The following FHIT variants were observed in gnomAD, a reference collection of about 807,000 sequenced individuals.
FHIT encodes bis(5'-adenosyl)-triphosphatase.
FHIT carries 19 observed loss-of-function variants against 17.9 expected under a neutral mutation model. The observed-to-expected ratio is 1.06, with a 90% CI of 0.74 to 1.56. The LOEUF (loss-of-function observed/expected upper bound fraction) is 1.56, where lower values mean the gene tolerates loss of function less well. Ranked by LOEUF, FHIT falls within the 40% of genes most tolerant of loss-of-function variation. The pLI, the probability that FHIT is intolerant of heterozygous loss-of-function variation, is 0.00. For synonymous variants in FHIT, 81 were observed against 69.7 expected (o/e 1.16, Z -0.81); for missense variants, 248 against 189.2 (o/e 1.31, Z -1.82).
intron 3 of FHIT, among the ~76,000 whole-genome samples, chr3:60,992,902 G>T (rs1207273523): frequency 6.6e-6 from 1 of 152,122 alleles, no homozygotes. Context: ...TTCAATAAAG[G>T]AAATTCAGAG....
At chr3:60,363,012 A>G (rs2107009814) in intron 5 of FHIT, among the ~76,000 whole-genome samples, 1 of 152,316 alleles carries the variant, frequency 6.6e-6, no homozygotes, top group Middle Eastern at 3.4e-3. Context: ...TTGAAAAGGA[A>G]AGACGCTGTT....
At chr3:61,030,697 A>C (rs1033567956) in intron 3 of FHIT, among the ~76,000 whole-genome samples, 6 of 152,224 alleles carry the variant, frequency 3.9e-5, no homozygotes, top group African/African-American at 1.4e-4. Flanking sequence ...ACAAAAATTA[A>C]AAAACAAAGC....
chr3:60,712,697 T>C (rs1421469139), intron 4 of FHIT, among the ~76,000 whole-genome samples: 1 of 150,312 alleles, frequency 6.7e-6, no homozygotes, highest in Non-Finnish European at 1.5e-5. Flanking sequence ...TACATAATGG[T>C]AAAGGGATCA....
At chr3:60,872,178 T>C (rs1704444560) in intron 3 of FHIT, among the ~76,000 whole-genome samples, 1 of 152,108 alleles carries the variant, frequency 6.6e-6, no homozygotes, top group Non-Finnish European at 1.5e-5. Context: ...CTTTGTTTTG[T>C]TTGTGGTAGA....
intron 5 of FHIT, among the ~76,000 whole-genome samples, chr3:60,485,995 G>T (rs1299643663): frequency 6.6e-6 from 1 of 152,068 alleles, no homozygotes; most frequent in Non-Finnish European, 1.5e-5. Flanking sequence ...CCTATCAATA[G>T]TCATTTGTCT....
chr3:60,371,380 G>A (rs931140151), intron 5 of FHIT, among the ~76,000 whole-genome samples: 1 of 150,100 alleles, frequency 6.7e-6, no homozygotes, highest in Non-Finnish European at 1.5e-5. Context: ...TTTTTTAAGA[G>A]ATGGGGTCTG....
At chr3:60,887,479 T>C (rs1365270009) in intron 3 of FHIT, among the ~76,000 whole-genome samples, 3 of 152,004 alleles carry the variant, frequency 2.0e-5, no homozygotes, top group Non-Finnish European at 2.9e-5. Flanking sequence ...ACCCCATCTC[T>C]ACTAAAAAAT....
intron 3 of FHIT, among the ~76,000 whole-genome samples, chr3:60,942,258 G>C (rs1708444613): frequency 6.6e-6 from 1 of 152,104 alleles, no homozygotes; most frequent in Admixed American, 6.6e-5. Flanking sequence ...AAATATGTTA[G>C]CACCAGCATA....
chr3:60,753,305 C>T (rs2042506389), intron 4 of FHIT, among the ~76,000 whole-genome samples: 1 of 152,144 alleles, frequency 6.6e-6, no homozygotes, highest in Non-Finnish European at 1.5e-5. Context: ...AGGTTCCAAT[C>T]CATTAATTCT....
At chr3:61,181,908 G>C (rs1338979717) in intron 2 of FHIT, among the ~76,000 whole-genome samples, 1 of 152,050 alleles carries the variant, frequency 6.6e-6, no homozygotes, top group East Asian at 1.9e-4. Flanking sequence ...TAAGTGTATG[G>C]TTAGATGACT....
At chr3:59,968,856 C>A (rs1708050399) in intron 7 of FHIT, among the ~76,000 whole-genome samples, 1 of 152,164 alleles carries the variant, frequency 6.6e-6, no homozygotes, top group African/African-American at 2.4e-5. Context: ...TGTTTATTTG[C>A]TGCCAGATTT....
chr3:61,017,403 T>C (rs892901690), intron 3 of FHIT, among the ~76,000 whole-genome samples: 3 of 152,354 alleles, frequency 2.0e-5, no homozygotes, highest in Non-Finnish European at 1.5e-5. Context: ...AACAAGCTGA[T>C]AGAAAAACAG....
At chr3:60,386,369 C>A (rs1348799447) in intron 5 of FHIT, among the ~76,000 whole-genome samples, 1 of 152,156 alleles carries the variant, frequency 6.6e-6, no homozygotes, top group East Asian at 1.9e-4. Context: ...GGACTTAGAA[C>A]AACATGAAAC....
chr3:60,164,310 C>A (rs888961017), intron 5 of FHIT, among the ~76,000 whole-genome samples: 1 of 152,104 alleles, frequency 6.6e-6, no homozygotes, highest in South Asian at 2.1e-4. Flanking sequence ...TGACATCCCA[C>A]CAAAATGGCA....
intron 4 of FHIT, among the ~76,000 whole-genome samples, chr3:60,554,539 T>A (rs1010181556): frequency 6.6e-6 from 1 of 152,182 alleles, no homozygotes; most frequent in Non-Finnish European, 1.5e-5. Context: ...AAAGCTTGTA[T>A]GGTAAATCTG....
chr3:60,971,021 A>C (rs1366535114), intron 3 of FHIT, among the ~76,000 whole-genome samples: 1 of 152,200 alleles, frequency 6.6e-6, no homozygotes, highest in Non-Finnish European at 1.5e-5. Flanking sequence ...CCAAAAGATG[A>C]GTATGCTTTT....
At chr3:60,473,795 C>A (rs1376923960) in intron 5 of FHIT, among the ~76,000 whole-genome samples, 1 of 151,940 alleles carries the variant, frequency 6.6e-6, no homozygotes, top group South Asian at 2.1e-4. Flanking sequence ...GCAGCATGCA[C>A]CTGTATAGTC....
chr3:60,897,927 T>C (rs1039836261), intron 3 of FHIT, among the ~76,000 whole-genome samples: 2 of 152,212 alleles, frequency 1.3e-5, no homozygotes, highest in South Asian at 2.1e-4. Flanking sequence ...TACTTTATTG[T>C]CTCTCATTGA....
At chr3:60,695,574 A>C (rs1431013176) in intron 4 of FHIT, among the ~76,000 whole-genome samples, 2 of 152,048 alleles carry the variant, frequency 1.3e-5, no homozygotes, top group East Asian at 1.9e-4. Context: ...AAACTGGGGG[A>C]TAATACTGTT....
Sources: gnomAD v4.1 joint callset for allele counts (sites outside exome capture counted in the v4.1 genomes callset) on GRCh38, gnomAD v4.1.1 for gene constraint, MANE v1.5 for transcripts, NCBI Gene and HGNC (gene_info 2026-07-23, HGNC 2026-07-21) for gene names.